The following FLACC1 variants were observed in gnomAD, a reference collection of about 807,000 sequenced individuals.
The protein encoded by FLACC1 is flagellum-associated coiled-coil domain-containing protein 1.
Under a neutral mutation model 62.8 loss-of-function variants are expected in FLACC1, and 66 were observed. That is an observed-to-expected ratio of 1.05 (90% CI 0.86 to 1.29). The LOEUF (loss-of-function observed/expected upper bound fraction) is 1.29. Ranked by LOEUF, FLACC1 falls within the 50% of genes most tolerant of loss-of-function variation. FLACC1 has a pLI of 0.00. For synonymous variants in FLACC1, 156 were observed against 161.0 expected (o/e 0.97, Z 0.24); for missense variants, 452 against 489.1 (o/e 0.92, Z 0.71).
chr2:201,301,686 G>C (rs1052077273), intron 11 of FLACC1, among the ~76,000 whole-genome samples: 9 of 152,328 alleles, frequency 5.9e-5, no homozygotes, highest in Non-Finnish European at 8.8e-5. Context: ...AGAGAGAAAG[G>C]TTGGGTTACC....
intron 9 of FLACC1, among the ~76,000 whole-genome samples, chr2:201,321,187 T>TA (rs1950397015): frequency 1.3e-5 from 2 of 152,158 alleles, no homozygotes; most frequent in Non-Finnish European, 2.9e-5. Flanking sequence ...TTGGGAGACT[T>TA]GAAGAGAGGT....
At chr2:201,349,623 CAAA>C (rs1278985508) in intron 3 of FLACC1, among the ~76,000 whole-genome samples, 1 of 152,056 alleles carries the variant, frequency 6.6e-6, no homozygotes, top group Non-Finnish European at 1.5e-5. Flanking sequence ...TAATGGAATA[CAAA>C]GATTCATACA....
intron 9 of FLACC1, among the ~76,000 whole-genome samples, chr2:201,313,150 A>G (rs753315493): frequency 2.6e-5 from 4 of 152,226 alleles, no homozygotes; most frequent in African/African-American, 4.8e-5. Context: ...AAAACATCAC[A>G]GGGAGAAGGA....
intron 9 of FLACC1, among the ~76,000 whole-genome samples, chr2:201,310,709 A>G (rs886328907): frequency 2.6e-5 from 4 of 152,304 alleles, no homozygotes; most frequent in African/African-American, 4.8e-5. Flanking sequence ...CAATTTGGCC[A>G]TATATATTAA....
At chr2:201,323,270 C>A (rs1950438695) in intron 9 of FLACC1, among the ~76,000 whole-genome samples, 1 of 152,152 alleles carries the variant, frequency 6.6e-6, no homozygotes, top group African/African-American at 2.4e-5. Flanking sequence ...GCAAAAAGAT[C>A]TTCACCAAGG....
Position 201,344,195 on chromosome 2 carries a change from CTG to C in FLACC1, c.435_436del (p.Asn145LysfsTer13), listed in dbSNP as rs776138216. On this transcript the variant is annotated frameshift_variant, in exon 6 of 15. Transcript: ENST00000392257. LOFTEE classifies it high-confidence loss of function. ...CAATTTCTGGGCAGACTGGTGGTCTCTGTTCATTTGTTCAATTATTGCTGTCA... is the reference window on the plus strand; with the variant it reads ...CAATTTCTGGGCAGACTGGTGGTCTCTTCATTTGTTCAATTATTGCTGTCA... 6.2e-7 allele frequency: 1 copy of C among 1,613,632 alleles called. No individual in the cohort carries two copies. The highest frequency in any genetic ancestry group is 1.1e-5 in the South Asian group (1 of 91,028).
chr2:201,328,924 T>C (rs948908886), intron 9 of FLACC1, among the ~76,000 whole-genome samples: 1 of 152,140 alleles, frequency 6.6e-6, no homozygotes, highest in South Asian at 2.1e-4. Flanking sequence ...GTCAGTTTAA[T>C]TGAGTAAAAT....
intron 11 of FLACC1, among the ~76,000 whole-genome samples, chr2:201,300,046 C>G (rs920091731): frequency 5.3e-5 from 8 of 152,290 alleles, no homozygotes; most frequent in South Asian, 2.1e-4. Context: ...GTACCAGGTT[C>G]ATCTCACTGG....
At chr2:201,359,332 G>A (rs559521093), upstream of FLACC1, among the ~76,000 whole-genome samples, 16 of 152,196 alleles carry the variant, frequency 1.1e-4, no homozygotes, top group Non-Finnish European at 1.8e-4. Context: ...GGTGACGTCT[G>A]TTAGAGTTTC....
intron 12 of FLACC1, among the ~76,000 whole-genome samples, chr2:201,291,791 G>A (rs549753881): frequency 6.6e-6 from 1 of 152,250 alleles, no homozygotes; most frequent in African/African-American, 2.4e-5. Flanking sequence ...AAGATTAGAC[G>A]AATGGCTAAC....
chr2:201,294,188 T>G (rs1171046835), intron 12 of FLACC1, among the ~76,000 whole-genome samples: 1 of 152,188 alleles, frequency 6.6e-6, no homozygotes, highest in African/African-American at 2.4e-5. Flanking sequence ...AGCATCATCC[T>G]GATACCAAAG....
chr2:201,309,083 C>T (rs1414998779), intron 10 of FLACC1, 68 bp downstream of exon 10: 1 of 1,405,656 alleles, frequency 7.1e-7, no homozygotes, highest in East Asian at 2.3e-5. Flanking sequence ...TTCCTCAAGT[C>T]AAGACCAAAC....
intron 11 of FLACC1, among the ~76,000 whole-genome samples, chr2:201,303,845 T>C (rs577072371): frequency 1.4e-4 from 21 of 152,280 alleles, no homozygotes; most frequent in African/African-American, 4.1e-4. Context: ...ATTATCTCAA[T>C]AGATGCAGAA....
the FLACC1 span, among the ~76,000 whole-genome samples, chr2:201,362,937 G>A: frequency 6.6e-6 from 1 of 152,166 alleles, no homozygotes; most frequent in Non-Finnish European, 1.5e-5. Flanking sequence ...CCTGAGGTGG[G>A]AGGAGAGCTG....
rs1338988230 is a variant in FLACC1 at position 201,338,583 on chromosome 2, C to T, written c.524+3787G>A. 2.0e-5 allele frequency among the ~76,000 whole-genome samples: 3 copies of T among 152,170 alleles called. No individual in the cohort carries two copies. The East Asian group carries it at 5.8e-4, about 29-fold the overall frequency. On this transcript the variant is annotated intron_variant, in intron 7 of 14. Coordinates refer to ENST00000392257, the MANE Select transcript of FLACC1 (RefSeq NM_001127391.3). ...ATGTTGAGGTATGTTTCTTCTATAT[C>T]TAGCTTGTTGAAAGGTTTTATTTTT...
rs757322880 is a variant in FLACC1 at position 201,350,762 on chromosome 2, G to A, written c.134C>T (p.Ala45Val). Residue 45 changes from alanine to valine, a missense_variant, in exon 3 of 15, where the codon GCT becomes GTT. Physicochemically the swap from Ala to Val is moderately conservative, Grantham distance 64. Transcript: ENST00000392257. ...GSSKLTPLVP[A>V]PKNHNYLQPT... ...TTGGAGGTAATTGTGATTTTTTGGA[G>A]CTGGTACAAGAGGAGTTAGCCTGAA... is the stretch of plus-strand genomic sequence containing the variant. 3 of 1,613,318 alleles carry A rather than the reference G, an allele frequency of 1.9e-6. No individual in the cohort carries two copies. The highest frequency in any genetic ancestry group is 4.5e-5 in the East Asian group (2 of 44,892).
At chr2:201,299,831 A>G (rs971306970) in intron 11 of FLACC1, among the ~76,000 whole-genome samples, 4 of 152,230 alleles carry the variant, frequency 2.6e-5, no homozygotes, top group Non-Finnish European at 5.9e-5. Flanking sequence ...AACAGAACGG[A>G]GAGTCCTAAC....
At chr2:201,348,150 T>C (rs1478254072) in intron 4 of FLACC1, 104 bp downstream of exon 4, 1 of 1,175,544 alleles carries the variant, frequency 8.5e-7, no homozygotes, top group Non-Finnish European at 1.2e-6. Context: ...AGGATCTTTG[T>C]GAAGATTCGA....
At chr2:201,334,914 A>C (rs911850579) in intron 7 of FLACC1, among the ~76,000 whole-genome samples, 1 of 152,076 alleles carries the variant, frequency 6.6e-6, no homozygotes, top group African/African-American at 2.4e-5. Context: ...CAGTAAAGGC[A>C]CCAGGTCTGG....
Sources: gnomAD v4.1 joint callset for allele counts (sites outside exome capture counted in the v4.1 genomes callset) on GRCh38, gnomAD v4.1.1 for gene constraint, MANE v1.5 for transcripts, NCBI Gene and HGNC (gene_info 2026-07-23, HGNC 2026-07-21) for gene names.